SHISA9: variants seen among roughly 807,000 people sequenced by gnomAD.
SHISA9 encodes shisa family member 9, also known as protein shisa-9.
A neutral mutation model predicts 38.0 loss-of-function variants in SHISA9; 13 were observed. That is an observed-to-expected ratio of 0.34 (90% confidence interval 0.22 to 0.54). SHISA9 has a LOEUF of 0.54. Among genes scored for constraint, SHISA9 ranks in the 20% least tolerant of loss-of-function variants. SHISA9 has a pLI of 0.91. For missense variants in SHISA9, 538 were observed against 575.8 expected, an observed-to-expected ratio of 0.93 and a Z score of 0.67; for synonymous variants, 275 against 242.0, an observed-to-expected ratio of 1.14 and a Z score of -1.27.
chr16:13,410,627 G>C, the SHISA9 span, among the ~76,000 whole-genome samples: 2 of 152,302 alleles, frequency 1.3e-5, no homozygotes, highest in Non-Finnish European at 2.9e-5. Flanking sequence ...GTGTTTGCCA[G>C]AAACTTTAAC....
At chr16:13,080,099 C>T (rs529893418) in intron 2 of SHISA9, among the ~76,000 whole-genome samples, 92 of 152,224 alleles carry the variant, frequency 6.0e-4, no homozygotes, top group Non-Finnish European at 1.1e-3. Flanking sequence ...CTCAGCCGGG[C>T]GAAGTGGCTC....
the SHISA9 span, among the ~76,000 whole-genome samples, chr16:13,493,374 A>T: frequency 6.6e-6 from 1 of 152,200 alleles, no homozygotes; most frequent in Non-Finnish European, 1.5e-5. Context: ...CCACACCAAG[A>T]TGCAGGATTG....
At chr16:13,024,776 T>A (rs1483573384) in intron 2 of SHISA9, among the ~76,000 whole-genome samples, 1 of 152,162 alleles carries the variant, frequency 6.6e-6, no homozygotes, top group African/African-American at 2.4e-5. Flanking sequence ...GAACAATGCC[T>A]GCTACACAGT....
chr16:13,543,138 G>T, the SHISA9 span, among the ~76,000 whole-genome samples: 1 of 152,210 alleles, frequency 6.6e-6, no homozygotes, highest in African/African-American at 2.4e-5. Flanking sequence ...GAACAAGACA[G>T]GTGAGGTCTC....
intron 2 of SHISA9, among the ~76,000 whole-genome samples, chr16:13,173,153 G>GCACA (rs10589865): frequency 4.6e-5 from 7 of 150,668 alleles, no homozygotes; most frequent in African/African-American, 7.3e-5. Flanking sequence ...ATGCACGTGC[G>GCACA]CACACACACA....
At chr16:13,487,035 G>C in the SHISA9 span, among the ~76,000 whole-genome samples, 1 of 152,132 alleles carries the variant, frequency 6.6e-6, no homozygotes, top group Admixed American at 6.5e-5. Context: ...TTTGCTTCTT[G>C]GTTCTGCACC....
the SHISA9 span, among the ~76,000 whole-genome samples, chr16:13,426,454 G>A: frequency 6.6e-6 from 1 of 152,122 alleles, no homozygotes; most frequent in Non-Finnish European, 1.5e-5. Flanking sequence ...GGGAGATAGA[G>A]CCCCCACTGG....
At chr16:12,994,271 G>A (rs1322297122) in intron 2 of SHISA9, among the ~76,000 whole-genome samples, 1 of 152,140 alleles carries the variant, frequency 6.6e-6, no homozygotes, top group Non-Finnish European at 1.5e-5. Context: ...TGTGAGCCAC[G>A]GAAGCAGAGA....
At chr16:13,041,124 G>A (rs745469997) in intron 2 of SHISA9, among the ~76,000 whole-genome samples, 1 of 152,164 alleles carries the variant, frequency 6.6e-6, no homozygotes, top group African/African-American at 2.4e-5. Flanking sequence ...ATGAACCTTC[G>A]CCTCCCAACA....
intron 2 of SHISA9, among the ~76,000 whole-genome samples, chr16:13,012,463 C>A (rs1307157728): frequency 1.3e-5 from 2 of 152,054 alleles, no homozygotes. Flanking sequence ...GGAAGACACC[C>A]AATGTGGCCA....
At chr16:12,999,699 G>T (rs1177615835) in intron 2 of SHISA9, among the ~76,000 whole-genome samples, 1 of 152,192 alleles carries the variant, frequency 6.6e-6, no homozygotes, top group Non-Finnish European at 1.5e-5. Context: ...TATGGCACCA[G>T]GGTGAGTTTA....
rs536522592 is a variant in SHISA9, at chr16:13,191,151, G to A, written c.692-12243G>A. Among the ~76,000 whole-genome samples, 5 of 152,278 alleles carry A rather than the reference G, an allele frequency of 3.3e-5. No homozygotes were observed. The East Asian group carries it at 9.7e-4, about 29-fold the overall frequency. On this transcript the variant is annotated intron_variant, in intron 2 of 4. Transcript: ENST00000558583. ...AGGATTTCCCTCAAAAAGGTTGCTG[G>A]CATAAAGATTTGGAAAGGTTAGAAA...
intron 2 of SHISA9, among the ~76,000 whole-genome samples, chr16:12,971,783 A>G (rs1334636938): frequency 6.6e-6 from 1 of 152,214 alleles, no homozygotes; most frequent in Non-Finnish European, 1.5e-5. Flanking sequence ...TCCTGCAGAA[A>G]TAAGGAAAGC....
chr16:13,035,629 C>A (rs2073048885), intron 2 of SHISA9, among the ~76,000 whole-genome samples: 1 of 151,982 alleles, frequency 6.6e-6, no homozygotes, highest in East Asian at 1.9e-4. Context: ...CTCCCAGGTT[C>A]AAGTGATTCT....
chr16:13,137,448 A>G (rs1407734924), intron 2 of SHISA9, among the ~76,000 whole-genome samples: 2 of 151,644 alleles, frequency 1.3e-5, no homozygotes, highest in Non-Finnish European at 2.9e-5. Context: ...ATAACGGAGG[A>G]TCTAATCTTT....
rs191097734 is a variant in SHISA9 at position 13,081,952 on chromosome 16, C to G, written c.692-121442C>G. Among the ~76,000 whole-genome samples, 125 of 152,070 alleles carry G rather than the reference C, an allele frequency of 8.2e-4. 1 individual carries two copies. The highest frequency in any genetic ancestry group is 6.8e-3 in the Middle Eastern group (2 of 292). ...GGTGGTGTGGCACAATTTACTGCCC[C>G]TCATCTAGATTCAGAATTGGGAATG... is the stretch of plus-strand genomic sequence containing the variant. On this transcript the variant is annotated intron_variant, in intron 2 of 4. Transcript: ENST00000558583.
At chr16:13,187,876 T>C (rs6498390) in intron 2 of SHISA9, among the ~76,000 whole-genome samples, 22,711 of 152,158 alleles carry the variant, frequency 0.15, 1,976 homozygotes, top group Middle Eastern at 0.23. Context: ...ACCTAGATGA[T>C]GCACAGTGAA....
chr16:13,111,355 A>T (rs1029538655), intron 2 of SHISA9, among the ~76,000 whole-genome samples: 1 of 151,730 alleles, frequency 6.6e-6, no homozygotes, highest in Non-Finnish European at 1.5e-5. Context: ...AAAAAAAAAA[A>T]AAAACCCAAA....
the SHISA9 span, among the ~76,000 whole-genome samples, chr16:13,382,676 T>C: frequency 6.6e-6 from 1 of 151,778 alleles, no homozygotes; most frequent in African/African-American, 2.4e-5. Context: ...TTGACCAACA[T>C]GGTGAAACCC....
Sources: allele counts gnomAD v4.1 joint callset (sites outside exome capture counted in the v4.1 genomes callset), GRCh38; gene constraint gnomAD v4.1.1; transcripts MANE v1.5; gene names NCBI Gene and HGNC (gene_info 2026-07-23, HGNC 2026-07-21).